The following STIL variants were observed in gnomAD, a reference collection of about 807,000 sequenced individuals.
STIL encodes the protein SCL-interrupting locus protein.
STIL carries 55 observed loss-of-function variants against 110.1 expected under a neutral mutation model. The observed-to-expected ratio is 0.50, with a 90% CI of 0.40 to 0.63. STIL has a LOEUF of 0.63. STIL is among the 20% of genes least tolerant of loss of function. The pLI, the probability that STIL is intolerant of heterozygous loss-of-function variation, is 0.00. For missense variants in STIL, 1,358 were observed against 1,530.0 expected, an observed-to-expected ratio of 0.89 and a Z score of 1.87; for synonymous variants, 481 against 530.0, an observed-to-expected ratio of 0.91 and a Z score of 1.27.
intron 2 of STIL, among the ~76,000 whole-genome samples, chr1:47,308,427 G>GAAAAA (rs34671975): frequency 6.7e-6 from 1 of 148,542 alleles, no homozygotes; most frequent in Non-Finnish European, 1.5e-5. Flanking sequence ...AAAGAAAATG[G>GAAAAA]AAAAAAAAAA....
chr1:47,253,827 T>C (rs1314034368), intron 16 of STIL, among the ~76,000 whole-genome samples: 2 of 152,116 alleles, frequency 1.3e-5, no homozygotes, highest in Non-Finnish European at 2.9e-5. Context: ...AACCATTATA[T>C]ATTTTCATTC....
chr1:47,273,414 A>T (rs1340258358), intron 12 of STIL, among the ~76,000 whole-genome samples: 1 of 152,138 alleles, frequency 6.6e-6, no homozygotes, highest in African/African-American at 2.4e-5. Context: ...CTATCTCTGA[A>T]TTTGCCTATT....
rs1229511605 is a variant in STIL at position 47,251,466 on chromosome 1, A to C, written c.3537T>G (p.Ile1179Met). 6.2e-7 allele frequency: 1 copy of C among 1,614,242 alleles called. No individual in the cohort carries two copies. Among genetic ancestry groups the C allele is most frequent in the African/African-American group, 1.3e-5 (1 of 75,074 alleles). ...KEPSKNDHEI[I>M]NCSNCESVGT... ...CCACAGATTCACAGTTAGAACAATT[A>C]ATTATTTCATGGTCATTCTTAGAAG... The change falls in exon 17 of 17, where the codon ATT becomes ATG. Residue 1179 changes from isoleucine to methionine, a missense_variant. Ile to Met is a conservative substitution (Grantham distance 10). Transcript: ENST00000371877.
intron 16 of STIL, among the ~76,000 whole-genome samples, chr1:47,256,958 T>G (rs1411835842): frequency 6.6e-6 from 1 of 152,094 alleles, no homozygotes; most frequent in East Asian, 1.9e-4. Context: ...ATCATGCCAC[T>G]GCACTCCAGC....
chr1:47,300,269 G>A, intron 5 of STIL, 117 bp from the exon 6 acceptor site: 3 of 1,027,348 alleles, frequency 2.9e-6, no homozygotes, highest in Non-Finnish European at 4.2e-6. Flanking sequence ...AAAATTAAAT[G>A]AGTTCTGATT....
intron 8 of STIL, among the ~76,000 whole-genome samples, chr1:47,291,835 G>A (rs1421610702): frequency 2.0e-5 from 3 of 151,752 alleles, no homozygotes; most frequent in African/African-American, 7.3e-5. Flanking sequence ...CAAAGTGTTG[G>A]GATTACAGAT....
At chr1:47,302,994 T>C (rs1275278732) in intron 3 of STIL, among the ~76,000 whole-genome samples, 1 of 152,114 alleles carries the variant, frequency 6.6e-6, no homozygotes, top group African/African-American at 2.4e-5. Flanking sequence ...AACTACTGTA[T>C]TGAATACAAA....
intron 12 of STIL, among the ~76,000 whole-genome samples, chr1:47,277,712 A>C (rs1645032905): frequency 6.6e-6 from 1 of 152,314 alleles, no homozygotes; most frequent in South Asian, 2.1e-4. Flanking sequence ...AGATAATAAT[A>C]GTGAAATAAT....
intron 14 of STIL, among the ~76,000 whole-genome samples, chr1:47,269,077 C>T (rs996473735): frequency 3.5e-5 from 5 of 143,436 alleles, no homozygotes; most frequent in Admixed American, 7.1e-5. Context: ...GGCAACAGAG[C>T]GGGACTCCGT....
chr1:47,299,225 TAATCACAGCTA>T (rs967049660), intron 6 of STIL, among the ~76,000 whole-genome samples: 10 of 151,262 alleles, frequency 6.6e-5, no homozygotes, highest in Non-Finnish European at 2.9e-5. Flanking sequence ...CATGCACCTG[TAATCACAGCTA>T]CTCAGGAGGC....
At chr1:47,297,490 T>C (rs893090618) in intron 6 of STIL, among the ~76,000 whole-genome samples, 2 of 152,200 alleles carry the variant, frequency 1.3e-5, no homozygotes, top group East Asian at 1.9e-4. Flanking sequence ...ATAGTAAGTA[T>C]AGTTTTTAAT....
rs761677141 is a variant in STIL at position 47,280,395 on chromosome 1, G to C, written c.2063C>G (p.Pro688Arg). Residue 688 changes from proline to arginine, a missense_variant, in exon 12 of 17, where the codon CCG becomes CGG. By Grantham distance (103) the Pro-to-Arg change is moderately radical. Transcript: ENST00000371877. ...GTTACATAAGTCCATATGTGAAGGC[G>C]GTCTTGCCACAGGCGATGGTTCAAT... ...SNIEPSPVAR[P>R]PSHMDLCNPQ... The C allele has an allele frequency of 6.2e-7, 1 of 1,614,188 alleles. No individual in the cohort carries two copies. The highest frequency in any genetic ancestry group is 8.5e-7 in the Non-Finnish European group (1 of 1,180,036).
chr1:47,299,355 A>T (rs1028012564), intron 6 of STIL, among the ~76,000 whole-genome samples: 1 of 151,658 alleles, frequency 6.6e-6, no homozygotes. Flanking sequence ...TCAAAAAAAG[A>T]ACTGAGTTAT....
intron 16 of STIL, among the ~76,000 whole-genome samples, chr1:47,257,650 T>G (rs1240552478): frequency 6.6e-6 from 1 of 152,258 alleles, no homozygotes; most frequent in Non-Finnish European, 1.5e-5. Context: ...CAACACAGTA[T>G]GAAATACTCC....
intron 10 of STIL, among the ~76,000 whole-genome samples, chr1:47,284,414 T>A (rs1191374975): frequency 1.3e-5 from 2 of 152,180 alleles, no homozygotes; most frequent in South Asian, 4.1e-4. Flanking sequence ...AGAGTGCAGT[T>A]GGCATAGCAT....
chr1:47,307,422 C>G (rs980901518), intron 2 of STIL, among the ~76,000 whole-genome samples: 1 of 152,132 alleles, frequency 6.6e-6, no homozygotes, highest in Admixed American at 6.6e-5. Context: ...CAAATTAATA[C>G]TTTTGTAATT....
At position 47,251,762 on chromosome 1, in the gene STIL, G is replaced by T; in HGVS notation, c.3241C>A (p.Leu1081Met). The T allele has an allele frequency of 1.2e-6, 2 of 1,613,766 alleles. No homozygotes were observed. The highest frequency in any genetic ancestry group is 1.7e-6 in the Non-Finnish European group (2 of 1,179,900). ...TTTTGGTTCGATCGAGTGACAGACA[G>T]TTGTGACAGCTGATTTTCATTTAAA... ...KYLNENQLSQ[L>M]SVTRSNQNNC... Residue 1081 changes from leucine to methionine, a missense_variant, in exon 17 of 17, where the codon CTG (leucine) becomes ATG (methionine). Transcript: ENST00000371877.
In STIL at chr1:47,251,175, T is replaced by C; in HGVS notation, c.3828A>G (p.Leu1276=). Residue 1276 remains leucine, a synonymous_variant, in exon 17 of 17, where the codon TTA becomes TTG. Coordinates refer to ENST00000371877, the MANE Select transcript of STIL (RefSeq NM_001048166.1). Reference sequence around the variant, plus strand: ...GTAACTGTCTGAGACGTTTTACATCTAAGAAGGTGCCTACTGAATTCATGC... The same window carrying C: ...GTAACTGTCTGAGACGTTTTACATCCAAGAAGGTGCCTACTGAATTCATGC... ...MNSMNSVGTF[L]DVKRLRQLPK... 6.2e-7 allele frequency: 1 copy of C among 1,613,502 alleles called. No individual in the cohort carries two copies.
Position 47,289,666 on chromosome 1 carries a change from T to A in STIL, c.873-81A>T, listed in dbSNP as rs1645419452. ...AAATAACTTCATGTGAGTCTCCCAA[T>A]CTAGTTAACAAAATGACTAAAAGGT... is the stretch of plus-strand genomic sequence containing the variant. On this transcript the variant is annotated intron_variant, in intron 8 of 16. Coordinates refer to ENST00000371877, the MANE Select transcript of STIL (RefSeq NM_001048166.1). 3.7e-6 allele frequency: 5 copies of A among 1,355,696 alleles called. No homozygotes were observed. The Admixed American group carries it at 8.7e-5, about 24-fold the overall frequency. The allele number at this position is 1,355,696 out of a possible 1,614,324, so 84.0% of individuals were successfully genotyped here.
Sources: gnomAD v4.1 joint callset for allele counts (sites outside exome capture counted in the v4.1 genomes callset) on GRCh38, gnomAD v4.1.1 for gene constraint, MANE v1.5 for transcripts, NCBI Gene and HGNC (gene_info 2026-07-23, HGNC 2026-07-21) for gene names.